The following ZNF134 variants were observed in gnomAD, a reference collection of about 807,000 sequenced individuals.
The protein encoded by ZNF134 is zinc finger protein 134 (clone pHZ-15).
In ZNF134, 5 loss-of-function variants were observed where a neutral mutation model predicts 2.5. That is an observed-to-expected ratio of 2.03 (90% confidence interval 1.06 to 4.27). The LOEUF (loss-of-function observed/expected upper bound fraction) is 4.27, where lower values mean the gene tolerates loss of function less well. Ranked by LOEUF, ZNF134 falls within the 30% of genes most tolerant of loss-of-function variation. The pLI, the probability that ZNF134 is intolerant of heterozygous loss-of-function variation, is 0.00. For missense variants in ZNF134, 540 were observed against 517.5 expected, an observed-to-expected ratio of 1.04 and a Z score of -0.42; for synonymous variants, 176 against 176.2, an observed-to-expected ratio of 1.00 and a Z score of 0.01.
rs1372920742 is a variant in ZNF134 at position 57,622,270 on chromosome 19, G to T, written c.*867G>T. ...CATGTGTCCCATGTTCCCCAACACT[G>T]TTGAGGGAAAGCTGTTCCTCAGGAC... On this transcript the variant is annotated 3_prime_UTR_variant, in exon 3 of 3. Coordinates refer to ENST00000396161, the MANE Select transcript of ZNF134 (RefSeq NM_003435.5). 1 of 152,338 alleles carries T rather than the reference G, an allele frequency of 6.6e-6. No individual in the cohort carries two copies. The highest frequency in any genetic ancestry group is 1.5e-5 in the Non-Finnish European group (1 of 68,192). The allele number at this position is 152,338 out of a possible 1,614,324, so 9.4% of individuals were successfully genotyped here.
chr19:57,620,042 T>C, intron 2 of ZNF134, 118 bp from the exon 3 acceptor site: 5 of 1,199,252 alleles, frequency 4.2e-6, no homozygotes, highest in Non-Finnish European at 5.8e-6. Flanking sequence ...TGATCCTAGC[T>C]CTGTTCCACC....
At chr19:57,616,130 G>A (rs1248588470) in intron 1 of ZNF134, among the ~76,000 whole-genome samples, 4 of 152,128 alleles carry the variant, frequency 2.6e-5, no homozygotes, top group Admixed American at 6.5e-5. Context: ...CCAGTGCATT[G>A]GTGCCTCAGT....
At position 57,621,431 on chromosome 19, in the gene ZNF134, C is replaced by A; in HGVS notation, c.*28C>A. 6.2e-7 allele frequency: 1 copy of A among 1,608,812 alleles called. No individual in the cohort carries two copies. Reference sequence around the variant, plus strand: ...GTGCTTTGAATACAACAGGACTCATCAATCAGATGTTGAATTTCATGTATC... The same window carrying A: ...GTGCTTTGAATACAACAGGACTCATAAATCAGATGTTGAATTTCATGTATC... On this transcript the variant is annotated 3_prime_UTR_variant, in exon 3 of 3. Transcript: ENST00000396161.
At position 57,620,431 on chromosome 19, in the gene ZNF134, A is replaced by C. The variant is rs200015279; in HGVS notation, c.312A>C (p.Gln104His). 1,488 of 1,614,190 alleles carry C rather than the reference A, an allele frequency of 9.2e-4. 9 individuals are homozygous for C. Among genetic ancestry groups the C allele is most frequent in the South Asian group, 4.0e-3 (364 of 91,086 alleles). The change falls in exon 3 of 3, where the codon CAA (glutamine) becomes CAC (histidine). Residue 104 changes from glutamine (Q) to histidine (H), a missense_variant. Transcript: ENST00000396161. ...ACCAGAAGTGTTACAGTATAGAGCA[A>C]CCCTTAAGAAGGGATAAAAGTGAGG... Reference protein sequence around the residue: ...HQYQKCYSIEQPLRRDKSEAS... With the variant: ...HQYQKCYSIEHPLRRDKSEAS...
At position 57,622,958 on chromosome 19, in the gene ZNF134, TACACACACACACACACACACACAC is replaced by T. The variant is rs3054108; in HGVS notation, c.*1570_*1593del. ...TTAAAGTGTACGAGTTAAGTCTTGA[TACACACACACACACACACACACAC>T]ACACACACACACACTTGAAACTATC... On this transcript the variant is annotated 3_prime_UTR_variant, in exon 3 of 3. Transcript: ENST00000396161. 1 of 147,176 alleles carries T rather than the reference TACACACACACACACACACACACAC, an allele frequency of 6.8e-6. No individual in the cohort carries two copies. Among genetic ancestry groups the T allele is most frequent in the Non-Finnish European group, 1.5e-5 (1 of 66,436 alleles). 9.1% of individuals were successfully genotyped at this position (147,176 alleles called of 1,614,324 possible). A position where few individuals can be genotyped will look rare whatever the true frequency, so the allele number is the denominator to read the frequency against.
In ZNF134 at chr19:57,623,600, T is replaced by A. The variant is rs1179010486; in HGVS notation, c.*2197T>A. The A allele has an allele frequency of 1.3e-5, 2 of 151,546 alleles. No individual in the cohort carries two copies. The highest frequency in any genetic ancestry group is 2.9e-5 in the Non-Finnish European group (2 of 67,950). 9.4% of individuals were successfully genotyped at this position (151,546 alleles called of 1,614,324 possible). On this transcript the variant is annotated 3_prime_UTR_variant, in exon 3 of 3. Transcript: ENST00000396161. ...GAGATTCATTGTTAGGAAAGATAGATGTTTTAGAGAGAGAGATGTTTTAGA... is the reference window on the plus strand; with the variant it reads ...GAGATTCATTGTTAGGAAAGATAGAAGTTTTAGAGAGAGAGATGTTTTAGA...
Position 57,621,418 on chromosome 19 carries a change from C to CA in ZNF134, c.*17dup, listed in dbSNP as rs769310216. 63 of 1,610,716 alleles carry CA rather than the reference C, an allele frequency of 3.9e-5. No individual in the cohort carries two copies. The South Asian group carries it at 6.4e-4, about 16-fold the overall frequency. On this transcript the variant is annotated 3_prime_UTR_variant, in exon 3 of 3. Coordinates refer to ENST00000396161, the MANE Select transcript of ZNF134 (RefSeq NM_003435.5). ...GCAGGCTTTAGGAGTGCTTTGAATA[C>CA]AACAGGACTCATCAATCAGATGTTG...
intron 1 of ZNF134, among the ~76,000 whole-genome samples, chr19:57,618,473 G>A (rs1242462754): frequency 1.3e-5 from 2 of 152,128 alleles, no homozygotes; most frequent in Non-Finnish European, 2.9e-5. Context: ...GGTATGGAGG[G>A]TTTCTGAAAG....
In ZNF134 at chr19:57,621,589, T is replaced by A. The variant is rs533388416; in HGVS notation, c.*186T>A. 155 of 905,628 alleles carry A rather than the reference T, an allele frequency of 1.7e-4. No individual in the cohort carries two copies. In the Admixed American group the frequency reaches 2.6e-3, roughly 15 times the overall value. 56.1% of individuals were successfully genotyped at this position (905,628 alleles called of 1,614,324 possible). A position where few individuals can be genotyped will look rare whatever the true frequency, so the allele number is the denominator to read the frequency against. The stretch of plus-strand genomic sequence containing the variant: ...CTGTCAATCCATGTGGCCGAAACCA[T>A]CTTAACTCTACCAGCTAAGATACCC... On this transcript the variant is annotated 3_prime_UTR_variant, in exon 3 of 3. Transcript: ENST00000396161.
Position 57,620,910 on chromosome 19 carries a change from A to C in ZNF134, c.791A>C (p.Glu264Ala). The change falls in exon 3 of 3, where the codon GAA becomes GCA. Residue 264 changes from glutamate (E) to alanine (A), a missense_variant. By Grantham distance (107) the Glu-to-Ala change is moderately radical. Coordinates refer to ENST00000396161, the MANE Select transcript of ZNF134 (RefSeq NM_003435.5). ...HTGEMPYKCN[E>A]CGKYFSHHSN... ...GGAGAAATGCCTTATAAGTGCAATG[A>C]ATGTGGGAAATATTTTAGCCATCAC... 1 of 1,614,254 alleles carries C rather than the reference A, an allele frequency of 6.2e-7. No homozygotes were observed. Among genetic ancestry groups the C allele is most frequent in the Non-Finnish European group, 8.5e-7 (1 of 1,180,038 alleles).
At chr19:57,618,471 G>A (rs910381761) in intron 1 of ZNF134, among the ~76,000 whole-genome samples, 3 of 152,134 alleles carry the variant, frequency 2.0e-5, no homozygotes, top group Admixed American at 6.5e-5. Context: ...TTGGTATGGA[G>A]GGTTTCTGAA....
chr19:57,622,193 G>C lies in ZNF134; in HGVS notation c.*790G>C, dbSNP rs1981244248. ...TCACCTTGAGGAGGGTGCTGCTGCTGTGACAGCCTGCAGTGTTTTGAAACA... is the reference window on the plus strand; with the variant it reads ...TCACCTTGAGGAGGGTGCTGCTGCTCTGACAGCCTGCAGTGTTTTGAAACA... On this transcript the variant is annotated 3_prime_UTR_variant, in exon 3 of 3. Transcript: ENST00000396161. 6.5e-6 allele frequency: 1 copy of C among 153,628 alleles called. No homozygotes were observed. Among genetic ancestry groups the C allele is most frequent in the East Asian group, 1.9e-4 (1 of 5,206 alleles). The allele number at this position is 153,628 out of a possible 1,614,324, so 9.5% of individuals were successfully genotyped here.
Position 57,614,439 on chromosome 19 carries a change from C to T in ZNF134, c.-122C>T, listed in dbSNP as rs748434010. 15 of 443,286 alleles carry T rather than the reference C, an allele frequency of 3.4e-5. No homozygotes were observed. Among genetic ancestry groups the T allele is most frequent in the Non-Finnish European group, 6.3e-5 (14 of 220,504 alleles). 27.5% of individuals were successfully genotyped at this position (443,286 alleles called of 1,614,324 possible). On this transcript the variant is annotated 5_prime_UTR_variant, in exon 1 of 3. Coordinates refer to ENST00000396161, the MANE Select transcript of ZNF134 (RefSeq NM_003435.5). ...TGCCAGGGTCCCGCGACCTGGGACC[C>T]CCTCGCGGCTCCGGGTGGTCTACGA...
In ZNF134 at chr19:57,623,468, GATAC is replaced by G. The variant is rs1981290625; in HGVS notation, c.*2071_*2074del. On this transcript the variant is annotated 3_prime_UTR_variant, in exon 3 of 3. Coordinates refer to ENST00000396161, the MANE Select transcript of ZNF134 (RefSeq NM_003435.5). ...TTATAGTAAAATATATTGGAAAAGAGATACATACAGGGAAGAACTGTGAAACAGA... is the reference window on the plus strand; with the variant it reads ...TTATAGTAAAATATATTGGAAAAGAGATACAGGGAAGAACTGTGAAACAGA... The G allele has an allele frequency of 1.3e-5, 2 of 151,916 alleles. No homozygotes were observed. Among genetic ancestry groups the G allele is most frequent in the African/African-American group, 2.4e-5 (1 of 41,336 alleles). 9.4% of individuals were successfully genotyped at this position (151,916 alleles called of 1,614,324 possible).
At chr19:57,620,107 TG>T (rs1981156058) in intron 2 of ZNF134, 52 bp from the exon 3 acceptor site, 2 of 1,571,480 alleles carry the variant, frequency 1.3e-6, no homozygotes, top group South Asian at 2.4e-5. Flanking sequence ...GTGATGTAGT[TG>T]CCCCACCCAC....
rs915119037 is a variant in ZNF134 at position 57,620,770 on chromosome 19, T to C, written c.651T>C (p.Ala217=). ...SECGKAFSRK[A]TLVQHQRIHT... ...GTGGGAAAGCCTTCAGCCGCAAAGC[T>C]ACACTTGTCCAGCATCAGAGAATCC... Residue 217 remains alanine (A), a synonymous_variant, in exon 3 of 3, where the codon GCT becomes GCC. Coordinates refer to ENST00000396161, the MANE Select transcript of ZNF134 (RefSeq NM_003435.5). 1 of 1,612,562 alleles carries C rather than the reference T, an allele frequency of 6.2e-7. No individual in the cohort carries two copies. The highest frequency in any genetic ancestry group is 8.5e-7 in the Non-Finnish European group (1 of 1,178,822).
In ZNF134 at chr19:57,621,257, G is replaced by C. The variant is rs1316354777; in HGVS notation, c.1138G>C (p.Asp380His). 6.2e-7 allele frequency: 1 copy of C among 1,613,906 alleles called. No individual in the cohort carries two copies. Among genetic ancestry groups the C allele is most frequent in the Non-Finnish European group, 8.5e-7 (1 of 1,180,008 alleles). ...RPFVCSKCGK[D>H]FIRTSHLVRH... ...TTTTGTGTGCAGTAAATGTGGGAAA[G>C]ACTTTATCAGAACCTCCCACCTTGT... is the stretch of plus-strand genomic sequence containing the variant. Residue 380 changes from aspartate to histidine, a missense_variant, in exon 3 of 3, where the codon GAC (aspartate) becomes CAC (histidine). Transcript: ENST00000396161.
In ZNF134 at chr19:57,620,337, A is replaced by G. The variant is rs1981166318; in HGVS notation, c.218A>G (p.His73Arg). 3 of 1,614,074 alleles carry G rather than the reference A, an allele frequency of 1.9e-6. No homozygotes were observed. The highest frequency in any genetic ancestry group is 1.3e-5 in the African/African-American group (1 of 75,032). ...LHLDEHQGTH[H>R]GLKLHTCGAC... ...CTGGATGAACACCAGGGTACACACC[A>G]TGGACTGAAACTTCACACATGTGGG... Residue 73 changes from histidine (H) to arginine (R), a missense_variant, in exon 3 of 3, where the codon CAT becomes CGT. Coordinates refer to ENST00000396161, the MANE Select transcript of ZNF134 (RefSeq NM_003435.5).
In ZNF134 at chr19:57,623,860, T is replaced by C. The variant is rs746730864; in HGVS notation, c.*2457T>C. On this transcript the variant is annotated 3_prime_UTR_variant, in exon 3 of 3. Coordinates refer to ENST00000396161, the MANE Select transcript of ZNF134 (RefSeq NM_003435.5). Reference sequence around the variant, plus strand: ...TCTAATGTTGTGAATTTCAGTGATGTACAGGAGACTCACAAAATTCTTGAA... The same window carrying C: ...TCTAATGTTGTGAATTTCAGTGATGCACAGGAGACTCACAAAATTCTTGAA... The C allele has an allele frequency of 3.3e-5, 5 of 152,232 alleles. No individual in the cohort carries two copies. The highest frequency in any genetic ancestry group is 7.3e-5 in the Non-Finnish European group (5 of 68,036). 9.4% of individuals were successfully genotyped at this position (152,232 alleles called of 1,614,324 possible).
Sources: gnomAD v4.1 joint callset for allele counts (sites outside exome capture counted in the v4.1 genomes callset) on GRCh38, gnomAD v4.1.1 for gene constraint, MANE v1.5 for transcripts, NCBI Gene and HGNC (gene_info 2026-07-23, HGNC 2026-07-21) for gene names.